LRRC4C: variants seen among roughly 807,000 people sequenced by gnomAD.
LRRC4C encodes the protein leucine-rich repeat-containing protein 4C.
Under a neutral mutation model 33.6 loss-of-function variants are expected in LRRC4C, and 5 were observed. The observed-to-expected ratio is 0.15, with a 90% CI of 0.08 to 0.31. The LOEUF is 0.31. LRRC4C is among the 10% of genes least tolerant of loss of function. LRRC4C has a pLI of 1.00. For missense variants in LRRC4C, 560 were observed against 796.7 expected, an observed-to-expected ratio of 0.70 and a Z score of 3.58; for synonymous variants, 329 against 302.0, an observed-to-expected ratio of 1.09 and a Z score of -0.93.
At chr11:40,525,263 A>AG in intron 3 of LRRC4C, among the ~76,000 whole-genome samples, 1 of 152,158 alleles carries the variant, frequency 6.6e-6, no homozygotes, top group East Asian at 1.9e-4. Flanking sequence ...TGGCTAACAC[A>AG]GTGAAACTCC....
intron 1 of LRRC4C, among the ~76,000 whole-genome samples, chr11:41,061,442 T>C (rs1937759624): frequency 2.5e-5 from 1 of 40,444 alleles, no homozygotes; most frequent in Admixed American, 2.4e-4. Context: ...CTAGGTCAGA[T>C]AATTAATACA....
Position 40,633,359 on chromosome 11 carries a change from T to C in LRRC4C, c.-270+14783A>G, listed in dbSNP as rs369723420. On this transcript the variant is annotated intron_variant, in intron 3 of 6. Transcript: ENST00000528697. The stretch of plus-strand genomic sequence containing the variant: ...TTTCTTTCTTTCTTTCTTTCTTTCT[T>C]TCTTTCTTTCTTTCTCTCTCTTTCT... Among the ~76,000 whole-genome samples the C allele has an allele frequency of 1.0e-3, 48 of 46,196 alleles. 4 individuals are homozygous for C. Among genetic ancestry groups the C allele is most frequent in the African/African-American group, 2.8e-3 (23 of 8,192 alleles). The allele number at this position is 46,196 out of a possible 152,430, so 30.3% of individuals were successfully genotyped here.
At chr11:41,066,680 G>A (rs1033580203) in intron 1 of LRRC4C, among the ~76,000 whole-genome samples, 9 of 152,132 alleles carry the variant, frequency 5.9e-5, no homozygotes, top group African/African-American at 9.7e-5. Flanking sequence ...CCAGGTCACC[G>A]ACAAAGGGAA....
chr11:40,250,446 A>C (rs1565186890), intron 4 of LRRC4C, among the ~76,000 whole-genome samples: 1 of 151,942 alleles, frequency 6.6e-6, no homozygotes, highest in Non-Finnish European at 1.5e-5. Flanking sequence ...ACTCTCTTTA[A>C]ATTTAATGAT....
At chr11:41,057,113 G>A (rs995561735) in intron 1 of LRRC4C, among the ~76,000 whole-genome samples, 3 of 152,184 alleles carry the variant, frequency 2.0e-5, no homozygotes, top group Non-Finnish European at 4.4e-5. Context: ...ACTCTCAGGG[G>A]CCCAGAAACG....
chr11:40,988,170 C>T (rs1169935459), intron 1 of LRRC4C, among the ~76,000 whole-genome samples: 1 of 152,110 alleles, frequency 6.6e-6, no homozygotes, highest in Non-Finnish European at 1.5e-5. Context: ...CTCAAAGGCT[C>T]CCCAGCAACA....
chr11:40,875,495 C>T (rs892441713), intron 2 of LRRC4C, among the ~76,000 whole-genome samples: 15 of 152,136 alleles, frequency 9.9e-5, no homozygotes, highest in Non-Finnish European at 5.9e-5. Context: ...TAGTTCTCAA[C>T]GTTCCCAACA....
chr11:41,242,755 C>A (rs1328983557), intron 1 of LRRC4C, among the ~76,000 whole-genome samples: 1 of 152,084 alleles, frequency 6.6e-6, no homozygotes, highest in African/African-American at 2.4e-5. Context: ...TCCTGTCTTA[C>A]AGATAAAGTC....
At chr11:40,262,222 GA>G (rs1192259568) in intron 4 of LRRC4C, among the ~76,000 whole-genome samples, 3 of 151,052 alleles carry the variant, frequency 2.0e-5, no homozygotes, top group African/African-American at 7.3e-5. Flanking sequence ...CAACAAACAT[GA>G]AAAAAAAGTT....
intron 6 of LRRC4C, among the ~76,000 whole-genome samples, chr11:40,126,451 G>A (rs1856233575): frequency 6.6e-6 from 1 of 152,164 alleles, no homozygotes; most frequent in South Asian, 2.1e-4. Flanking sequence ...ATGTGCTGGA[G>A]TGTATAATAA....
intron 3 of LRRC4C, among the ~76,000 whole-genome samples, chr11:40,450,759 A>G (rs1008012669): frequency 6.6e-6 from 1 of 151,364 alleles, no homozygotes; most frequent in African/African-American, 2.4e-5. Flanking sequence ...AAACTGGCAC[A>G]TGTATCCCTG....
intron 1 of LRRC4C, among the ~76,000 whole-genome samples, chr11:41,284,856 T>A (rs550277229): frequency 6.6e-6 from 1 of 152,178 alleles, no homozygotes; most frequent in Non-Finnish European, 1.5e-5. Flanking sequence ...ATTTCATTCT[T>A]TCTATTCTGT....
intron 1 of LRRC4C, among the ~76,000 whole-genome samples, chr11:41,283,554 CAG>C (rs1165894105): frequency 1.3e-5 from 2 of 152,114 alleles, no homozygotes; most frequent in African/African-American, 2.4e-5. Context: ...AAAATTGTAT[CAG>C]ATTAAAATTT....
intron 1 of LRRC4C, among the ~76,000 whole-genome samples, chr11:41,289,034 C>T (rs776450653): frequency 3.9e-5 from 6 of 152,212 alleles, no homozygotes; most frequent in East Asian, 1.9e-4. Flanking sequence ...AAATTCCCTT[C>T]GCCTTTGCCT....
rs201130715 is a variant in LRRC4C at position 40,640,512 on chromosome 11, TA to T, written c.-270+7629del. ...AAATATAAACTATACGTTTTCTATA[TA>T]TTTTTTTTTAAAAAGGATGAAACAA... is the stretch of plus-strand genomic sequence containing the variant. On this transcript the variant is annotated intron_variant, in intron 3 of 6. Coordinates refer to ENST00000528697, the MANE Select transcript of LRRC4C (RefSeq NM_001258419.2). 8.6e-3 allele frequency among the ~76,000 whole-genome samples: 1,309 copies of T among 152,114 alleles called. 23 individuals are homozygous for T. Among genetic ancestry groups the T allele is most frequent in the African/African-American group, 0.029 (1,210 of 41,544 alleles).
intron 2 of LRRC4C, among the ~76,000 whole-genome samples, chr11:40,771,022 C>A (rs1949733452): frequency 6.6e-6 from 1 of 152,202 alleles, no homozygotes; most frequent in Non-Finnish European, 1.5e-5. Context: ...TTTCTTCTTA[C>A]AGATTCACTA....
intron 1 of LRRC4C, among the ~76,000 whole-genome samples, chr11:41,051,185 G>C (rs1464050824): frequency 6.6e-6 from 1 of 152,118 alleles, no homozygotes; most frequent in Non-Finnish European, 1.5e-5. Flanking sequence ...GCTCTCTGCT[G>C]TTCTGTCACA....
At chr11:41,087,101 A>C (rs888870185) in intron 1 of LRRC4C, among the ~76,000 whole-genome samples, 21 of 152,166 alleles carry the variant, frequency 1.4e-4, no homozygotes, top group Admixed American at 1.0e-3. Flanking sequence ...TTACTGTCAC[A>C]AACCGGAAAT....
intron 1 of LRRC4C, among the ~76,000 whole-genome samples, chr11:41,061,989 C>G (rs1330537160): frequency 1.3e-5 from 2 of 152,198 alleles, no homozygotes; most frequent in African/African-American, 2.4e-5. Flanking sequence ...TTGACAAGCT[C>G]AAGTGAGCAA....
Sources: gnomAD v4.1 joint callset for allele counts (sites outside exome capture counted in the v4.1 genomes callset) on GRCh38, gnomAD v4.1.1 for gene constraint, MANE v1.5 for transcripts, NCBI Gene and HGNC (gene_info 2026-07-23, HGNC 2026-07-21) for gene names.